Variants in ZRANB3 observed in about 807,000 individuals in gnomAD.
The protein encoded by ZRANB3 is DNA annealing helicase and endonuclease ZRANB3.
Under a neutral mutation model 133.8 loss-of-function variants are expected in ZRANB3, and 125 were observed. That is an observed-to-expected ratio of 0.93 (90% confidence interval 0.81 to 1.08). The LOEUF is 1.08. Ranked by LOEUF, ZRANB3 falls within the 50% of genes least tolerant of loss-of-function variation. The pLI, the probability that ZRANB3 is intolerant of heterozygous loss-of-function variation, is 0.00. For missense variants in ZRANB3, 1,229 were observed against 1,275.5 expected (o/e 0.96, Z 0.56); for synonymous variants, 387 against 432.7 (o/e 0.89, Z 1.31).
chr2:135,275,908 C>T (rs1680797220), intron 8 of ZRANB3, among the ~76,000 whole-genome samples, 153 bp from the exon 9 acceptor site: 1 of 151,726 alleles, frequency 6.6e-6, no homozygotes, highest in Non-Finnish European at 1.5e-5. Flanking sequence ...AGTAGAAGCC[C>T]ACATATAAGG....
chr2:135,219,843 T>C (rs1038160298), intron 15 of ZRANB3, among the ~76,000 whole-genome samples: 1 of 152,106 alleles, frequency 6.6e-6, no homozygotes, highest in Non-Finnish European at 1.5e-5. Flanking sequence ...TTAGGTCCCA[T>C]CAATCGGTGC....
chr2:135,321,188 T>C (rs1683507682), intron 6 of ZRANB3, among the ~76,000 whole-genome samples: 1 of 152,214 alleles, frequency 6.6e-6, no homozygotes, highest in African/African-American at 2.4e-5. Flanking sequence ...CTGATTTGTA[T>C]TGTCAGTGTA....
intron 8 of ZRANB3, among the ~76,000 whole-genome samples, chr2:135,279,231 T>C (rs2104779273): frequency 6.6e-6 from 1 of 152,296 alleles, no homozygotes. Context: ...ATTTCAAAAC[T>C]GAAAAATACC....
intron 2 of ZRANB3, among the ~76,000 whole-genome samples, chr2:135,417,902 T>A (rs1167128800): frequency 6.6e-6 from 1 of 152,110 alleles, no homozygotes; most frequent in Non-Finnish European, 1.5e-5. Flanking sequence ...TAGATGGGAA[T>A]TGAACAATGA....
chr2:135,476,162 T>C (rs1327951405), intron 2 of ZRANB3, among the ~76,000 whole-genome samples: 1 of 152,188 alleles, frequency 6.6e-6, no homozygotes, highest in Non-Finnish European at 1.5e-5. Flanking sequence ...ACTCAATGTA[T>C]GGAGCTTATA....
Position 135,390,807 on chromosome 2 carries a change from C to T in ZRANB3, c.175G>A (p.Asp59Asn), listed in dbSNP as rs1687190954. Residue 59 changes from aspartate to asparagine, a missense_variant, in exon 3 of 21, where the codon GAT becomes AAT. Transcript: ENST00000264159. The stretch of plus-strand genomic sequence containing the variant: ...AAAACCATTGAAACACTTACTTCAT[C>T]AGCCACCATACACCTGGAAAAAAAA... ...LKRNGRCMVA[D>N]EMGLGKTIQA... 6.5e-7 allele frequency: 1 copy of T among 1,526,758 alleles called. No homozygotes were observed. Among genetic ancestry groups the T allele is most frequent in the Admixed American group, 2.1e-5 (1 of 46,612 alleles). The allele number at this position is 1,526,758 out of a possible 1,614,324, so 94.6% of individuals were successfully genotyped here.
chr2:135,409,659 G>C (rs1449609473), intron 2 of ZRANB3, among the ~76,000 whole-genome samples: 1 of 151,968 alleles, frequency 6.6e-6, no homozygotes, highest in African/African-American at 2.4e-5. Context: ...GAAATAGAAA[G>C]CATCCGAAAA....
In ZRANB3 at chr2:135,388,996, T is replaced by A. The variant is rs192782960; in HGVS notation, c.180+1806A>T. 2.1e-3 allele frequency among the ~76,000 whole-genome samples: 314 copies of A among 152,206 alleles called. 1 individual carries two copies. The highest frequency in any genetic ancestry group is 7.0e-3 in the African/African-American group (292 of 41,512). ...GGGAGGCTGAGGCAGGAGAATGGCG[T>A]GAACCTGGGAGGCGAACCTTGCAGT... On this transcript the variant is annotated intron_variant, in intron 3 of 20. Coordinates refer to ENST00000264159, the MANE Select transcript of ZRANB3 (RefSeq NM_032143.4).
intron 2 of ZRANB3, among the ~76,000 whole-genome samples, chr2:135,413,713 AT>A (rs1670563704): frequency 6.6e-6 from 1 of 152,162 alleles, no homozygotes; most frequent in Non-Finnish European, 1.5e-5. Flanking sequence ...CGCAACCAAG[AT>A]AAACTCAGCC....
chr2:135,442,763 A>C (rs975309236), intron 2 of ZRANB3, among the ~76,000 whole-genome samples: 1 of 152,208 alleles, frequency 6.6e-6, no homozygotes, highest in African/African-American at 2.4e-5. Flanking sequence ...TTACTGTGAC[A>C]CTATTCACAA....
chr2:135,286,575 G>C (rs929255653), intron 8 of ZRANB3, among the ~76,000 whole-genome samples: 1 of 152,058 alleles, frequency 6.6e-6, no homozygotes, highest in Non-Finnish European at 1.5e-5. Flanking sequence ...CACTGCACTC[G>C]GCCTTATTTT....
chr2:135,229,725 C>T (rs990515194), intron 13 of ZRANB3, among the ~76,000 whole-genome samples: 1 of 152,102 alleles, frequency 6.6e-6, no homozygotes, highest in Non-Finnish European at 1.5e-5. Flanking sequence ...ATTATTACAA[C>T]TGATAAAATA....
intron 1 of ZRANB3, 145 bp downstream of exon 1, chr2:135,530,982 C>G (rs1694566752): frequency 6.6e-6 from 1 of 152,304 alleles, no homozygotes; most frequent in African/African-American, 2.4e-5. Flanking sequence ...ACCAGGTGTT[C>G]GTTTCAGAAC....
chr2:135,505,698 GTATT>G (rs1472518553), intron 1 of ZRANB3, among the ~76,000 whole-genome samples: 13 of 152,076 alleles, frequency 8.5e-5, no homozygotes, highest in African/African-American at 2.9e-4. Context: ...AACAAAGCAA[GTATT>G]TATTTATTAA....
At chr2:135,366,569 G>C (rs1464584004) in intron 3 of ZRANB3, among the ~76,000 whole-genome samples, 1 of 151,788 alleles carries the variant, frequency 6.6e-6, no homozygotes, top group Admixed American at 6.6e-5. Flanking sequence ...TGAATCAAAT[G>C]AGACAGCAAA....
In ZRANB3 at chr2:135,198,162, A is replaced by T. The variant is rs1693480502; in HGVS notation, c.*2180T>A. 6.6e-6 allele frequency: 1 copy of T among 152,136 alleles called. No individual in the cohort carries two copies. Among genetic ancestry groups the T allele is most frequent in the Non-Finnish European group, 1.5e-5 (1 of 68,062 alleles). The allele number at this position is 152,136 out of a possible 1,614,324, so 9.4% of individuals were successfully genotyped here. ...CACTCAGGATCTGCCACTTGCTCTG[A>T]CACTTTCTGTGTCCCTCTGTCATAA... On this transcript the variant is annotated 3_prime_UTR_variant, in exon 21 of 21. Transcript: ENST00000264159.
intron 2 of ZRANB3, among the ~76,000 whole-genome samples, chr2:135,393,534 C>A (rs1427380800): frequency 6.6e-6 from 1 of 151,194 alleles, no homozygotes; most frequent in Non-Finnish European, 1.5e-5. Flanking sequence ...AATAGGTGTT[C>A]AAAAAGAGAA....
intron 2 of ZRANB3, among the ~76,000 whole-genome samples, chr2:135,433,045 G>GT (rs1689385903): frequency 1.3e-5 from 2 of 152,146 alleles, no homozygotes; most frequent in Non-Finnish European, 2.9e-5. Context: ...GGTATCCAAG[G>GT]TGAGTGGCCT....
At chr2:135,276,234 G>GTTT (rs79341754) in intron 8 of ZRANB3, among the ~76,000 whole-genome samples, 3 of 128,854 alleles carry the variant, frequency 2.3e-5, no homozygotes, top group African/African-American at 2.8e-5. Context: ...TTTAAGGAAA[G>GTTT]TTTTTTTTTT....
Sources: gnomAD v4.1 joint callset for allele counts (sites outside exome capture counted in the v4.1 genomes callset) on GRCh38, gnomAD v4.1.1 for gene constraint, MANE v1.5 for transcripts, NCBI Gene and HGNC (gene_info 2026-07-23, HGNC 2026-07-21) for gene names.